The following SNX29 variants were observed in gnomAD, a reference collection of about 807,000 sequenced individuals.
SNX29 encodes sorting nexin 29.
SNX29 carries 78 observed loss-of-function variants against 102.1 expected under a neutral mutation model. That is an observed-to-expected ratio of 0.76 (90% CI 0.64 to 0.92). SNX29 has a LOEUF of 0.92. Among genes scored for constraint, SNX29 ranks in the 40% least tolerant of loss-of-function variants. The probability of loss-of-function intolerance (pLI) is 0.00; values close to 1 mark genes in which losing one functional copy is unlikely to be tolerated. For synonymous variants in SNX29, 580 were observed against 414.5 expected, an observed-to-expected ratio of 1.40 and a Z score of -4.85; for missense variants, 1,280 against 1,061.7, an observed-to-expected ratio of 1.21 and a Z score of -2.86.
chr16:12,205,629 C>T (rs77072570), intron 14 of SNX29, among the ~76,000 whole-genome samples: 15,039 of 152,262 alleles, frequency 0.099, 843 homozygotes, highest in East Asian at 0.17. Context: ...TGGCTGGTTC[C>T]ACCTTGCCAT....
At chr16:12,556,220 T>G (rs1035531847) in intron 20 of SNX29, 4 of 152,116 alleles carry the variant, frequency 2.6e-5, no homozygotes, top group Admixed American at 1.3e-4. Context: ...GTCTTCCAAT[T>G]GTGAGGTTGG....
At chr16:12,541,060 C>A (rs566176689) in intron 20 of SNX29, among the ~76,000 whole-genome samples, 2 of 152,144 alleles carry the variant, frequency 1.3e-5, no homozygotes, top group African/African-American at 4.8e-5. Context: ...TATTTAGTTT[C>A]CTGAGTTATT....
intron 13 of SNX29, among the ~76,000 whole-genome samples, chr16:12,187,050 G>A (rs2076528325): frequency 6.6e-6 from 1 of 152,220 alleles, no homozygotes; most frequent in African/African-American, 2.4e-5. Context: ...ATGGGTCCCG[G>A]AGGAATCCGG....
chr16:12,541,454 C>T (rs1322726551), intron 20 of SNX29, among the ~76,000 whole-genome samples: 1 of 152,180 alleles, frequency 6.6e-6, no homozygotes. Context: ...AGGACCCACG[C>T]TTAGTGCTTG....
chr16:12,453,631 T>A (rs1423246582), intron 18 of SNX29, among the ~76,000 whole-genome samples: 2 of 152,102 alleles, frequency 1.3e-5, no homozygotes, highest in East Asian at 3.9e-4. Context: ...TCCTTGTGCC[T>A]CAGCCTCCCA....
intron 16 of SNX29, among the ~76,000 whole-genome samples, chr16:12,369,338 G>A (rs1479300631): frequency 6.6e-6 from 1 of 151,846 alleles, no homozygotes; most frequent in African/African-American, 2.4e-5. Flanking sequence ...GTTTCACCAT[G>A]TTGGCCAGGC....
intron 13 of SNX29, among the ~76,000 whole-genome samples, chr16:12,182,132 C>T (rs1313906653): frequency 6.6e-6 from 1 of 150,400 alleles, no homozygotes; most frequent in Non-Finnish European, 1.5e-5. Context: ...GGTGACCTAC[C>T]TGTTTCGGTC....
intron 15 of SNX29, among the ~76,000 whole-genome samples, chr16:12,287,011 G>C (rs892298685): frequency 1.3e-5 from 2 of 152,180 alleles, no homozygotes; most frequent in African/African-American, 4.8e-5. Flanking sequence ...GCTTCTTTAA[G>C]AACGTCTTTT....
intron 8 of SNX29, among the ~76,000 whole-genome samples, chr16:12,057,920 C>G (rs968686580): frequency 6.6e-6 from 1 of 151,482 alleles, no homozygotes; most frequent in Non-Finnish European, 1.5e-5. Flanking sequence ...TGTGTTCAAG[C>G]GATTCTCCTG....
intron 20 of SNX29, among the ~76,000 whole-genome samples, chr16:12,566,176 G>A (rs1233789570): frequency 6.6e-6 from 1 of 152,172 alleles, no homozygotes; most frequent in Non-Finnish European, 1.5e-5. Flanking sequence ...GTGGCTTTAG[G>A]TAGCCCTTGA....
chr16:12,316,576 A>T (rs1232762499), intron 15 of SNX29, among the ~76,000 whole-genome samples: 1 of 152,054 alleles, frequency 6.6e-6, no homozygotes, highest in African/African-American at 2.4e-5. Flanking sequence ...TTCTTACCCA[A>T]ATCGGGATCT....
chr16:12,499,910 C>G (rs1272076220), intron 19 of SNX29, among the ~76,000 whole-genome samples: 2 of 151,952 alleles, frequency 1.3e-5, no homozygotes, highest in Non-Finnish European at 2.9e-5. Flanking sequence ...CTCCTGGGCT[C>G]AAGGGATCCA....
At chr16:12,433,047 G>A (rs568694928) in intron 18 of SNX29, among the ~76,000 whole-genome samples, 4 of 152,200 alleles carry the variant, frequency 2.6e-5, no homozygotes, top group South Asian at 2.1e-4. Context: ...AATGTGGAGC[G>A]GGTTCCTGAG....
chr16:12,557,577 A>T (rs1368326616), intron 20 of SNX29: 1 of 152,094 alleles, frequency 6.6e-6, no homozygotes, highest in Non-Finnish European at 1.5e-5. Flanking sequence ...GGCTAGGCTG[A>T]TCTTGAACTC....
intron 14 of SNX29, among the ~76,000 whole-genome samples, chr16:12,243,183 C>T (rs138180839): frequency 2.8e-4 from 43 of 152,328 alleles, no homozygotes; most frequent in Non-Finnish European, 2.9e-4. Flanking sequence ...GGGCACACAC[C>T]GATTCGTGCA....
chr16:12,353,094 C>A (rs948177060), intron 15 of SNX29, among the ~76,000 whole-genome samples: 1 of 152,162 alleles, frequency 6.6e-6, no homozygotes, highest in African/African-American at 2.4e-5. Flanking sequence ...ACCCTGTCTT[C>A]TCTCCGAGTC....
At chr16:12,058,524 C>T (rs1387255831) in intron 8 of SNX29, among the ~76,000 whole-genome samples, 10 of 116,178 alleles carry the variant, frequency 8.6e-5, no homozygotes, top group East Asian at 2.6e-4. Flanking sequence ...GATGGAGTCT[C>T]GCTCTGTCAC....
chr16:12,395,798 G>A (rs1326166162), intron 16 of SNX29, among the ~76,000 whole-genome samples: 1 of 151,252 alleles, frequency 6.6e-6, no homozygotes, highest in Non-Finnish European at 1.5e-5. Context: ...TTTATTGCCA[G>A]AATATAAAAT....
intron 15 of SNX29, among the ~76,000 whole-genome samples, chr16:12,324,014 G>A (rs563214173): frequency 9.2e-5 from 14 of 151,464 alleles, no homozygotes; most frequent in African/African-American, 3.2e-4. Flanking sequence ...AGAATATGAC[G>A]TACTCCCTCA....
Sources: gnomAD v4.1 joint callset for allele counts (sites outside exome capture counted in the v4.1 genomes callset) on GRCh38, gnomAD v4.1.1 for gene constraint, MANE v1.5 for transcripts, NCBI Gene and HGNC (gene_info 2026-07-23, HGNC 2026-07-21) for gene names.